RFTN2: variants seen among roughly 807,000 people sequenced by gnomAD.
The protein encoded by RFTN2 is raftlin family member 2, also known as raftlin-2.
In RFTN2, 34 loss-of-function variants were observed where a neutral mutation model predicts 52.7. The ratio of observed to expected loss-of-function variants is 0.64; its 90% CI spans 0.49 to 0.86. The LOEUF (loss-of-function observed/expected upper bound fraction) is 0.86, where lower values mean the gene tolerates loss of function less well. Ranked by LOEUF, RFTN2 falls within the 40% of genes least tolerant of loss-of-function variation. The probability of loss-of-function intolerance (pLI) is 0.00; values close to 1 mark genes in which losing one functional copy is unlikely to be tolerated. For missense variants in RFTN2, 536 were observed against 600.1 expected (o/e 0.89, Z 1.12); for synonymous variants, 203 against 217.7 (o/e 0.93, Z 0.59).
intron 3 of RFTN2, among the ~76,000 whole-genome samples, chr2:197,637,531 G>A (rs1319370179): frequency 6.6e-6 from 1 of 152,188 alleles, no homozygotes; most frequent in Non-Finnish European, 1.5e-5. Flanking sequence ...TTTGCATAGA[G>A]GTGTTTGTAG....
At chr2:197,643,320 T>C (rs80172713) in intron 3 of RFTN2, among the ~76,000 whole-genome samples, 25,906 of 152,104 alleles carry the variant, frequency 0.17, 2,459 homozygotes, top group Middle Eastern at 0.26. Context: ...TTGGAACTCC[T>C]GGCCTCAAGT....
chr2:197,598,958 CT>C (rs759636529), intron 7 of RFTN2, among the ~76,000 whole-genome samples: 452 of 144,818 alleles, frequency 3.1e-3, no homozygotes, highest in South Asian at 6.8e-3. Flanking sequence ...TCTTCTTCTT[CT>C]TTTTTTTTTT....
intron 6 of RFTN2, among the ~76,000 whole-genome samples, chr2:197,617,141 C>A (rs1310031830): frequency 6.6e-6 from 1 of 152,124 alleles, no homozygotes; most frequent in Non-Finnish European, 1.5e-5. Context: ...TTAAAAAAAA[C>A]CTCAGTCACA....
chr2:197,627,423 G>A (rs547714435), intron 5 of RFTN2, among the ~76,000 whole-genome samples: 49 of 152,294 alleles, frequency 3.2e-4, no homozygotes, highest in African/African-American at 1.1e-3. Context: ...GATGCCATAC[G>A]GCTAGCGCCT....
intron 3 of RFTN2, among the ~76,000 whole-genome samples, chr2:197,641,971 A>G (rs1201823376): frequency 2.0e-5 from 3 of 152,254 alleles, no homozygotes; most frequent in Non-Finnish European, 4.4e-5. Context: ...ACGGTAATCT[A>G]TTAAGACTAA....
chr2:197,583,453 G>A (rs1023594010), intron 8 of RFTN2, among the ~76,000 whole-genome samples: 3 of 151,948 alleles, frequency 2.0e-5, no homozygotes, highest in Non-Finnish European at 2.9e-5. Context: ...ATAATGGACC[G>A]GCCATTCTAG....
At chr2:197,671,194 C>T (rs2089142954) in intron 1 of RFTN2, among the ~76,000 whole-genome samples, 1 of 152,212 alleles carries the variant, frequency 6.6e-6, no homozygotes, top group Non-Finnish European at 1.5e-5. Flanking sequence ...TTCCCATTTC[C>T]CATCAGTTTA....
chr2:197,648,465 G>T (rs956064193), intron 1 of RFTN2, among the ~76,000 whole-genome samples: 10 of 152,202 alleles, frequency 6.6e-5, no homozygotes, highest in African/African-American at 2.2e-4. Flanking sequence ...GCTTGTTGGT[G>T]TGGCAATTCT....
intron 3 of RFTN2, among the ~76,000 whole-genome samples, chr2:197,640,398 G>C (rs1340739803): frequency 1.6e-5 from 2 of 126,208 alleles, no homozygotes; most frequent in East Asian, 2.2e-4. Flanking sequence ...CTCCGTGGGC[G>C]TAGGACCCTC....
chr2:197,630,148 G>A (rs1031670877), intron 5 of RFTN2, among the ~76,000 whole-genome samples: 1 of 152,124 alleles, frequency 6.6e-6, no homozygotes, highest in South Asian at 2.1e-4. Flanking sequence ...AGGGCCTATT[G>A]GAACATGACT....
intron 8 of RFTN2, among the ~76,000 whole-genome samples, chr2:197,590,605 C>T (rs1574686771): frequency 6.6e-6 from 1 of 152,192 alleles, no homozygotes; most frequent in Non-Finnish European, 1.5e-5. Context: ...CGGACTCTCA[C>T]GGTGAGTGTT....
At chr2:197,579,899 C>A (rs11899920) in intron 8 of RFTN2, among the ~76,000 whole-genome samples, 2 of 151,836 alleles carry the variant, frequency 1.3e-5, no homozygotes. Flanking sequence ...TTTTGTTCCA[C>A]GACTAGCTCT....
At chr2:197,661,541 G>A (rs1256013874) in intron 1 of RFTN2, among the ~76,000 whole-genome samples, 1 of 151,998 alleles carries the variant, frequency 6.6e-6, no homozygotes, top group African/African-American at 2.4e-5. Flanking sequence ...TCTTCTGTTG[G>A]TGTACACTTA....
At chr2:197,577,509 T>C (rs2087437867) in intron 8 of RFTN2, among the ~76,000 whole-genome samples, 2 of 152,182 alleles carry the variant, frequency 1.3e-5, no homozygotes, top group South Asian at 4.1e-4. Context: ...AGATTTACTC[T>C]CAGAAAAGGT....
At chr2:197,641,823 AT>A (rs1474531504) in intron 3 of RFTN2, among the ~76,000 whole-genome samples, 1 of 152,202 alleles carries the variant, frequency 6.6e-6, no homozygotes, top group Non-Finnish European at 1.5e-5. Flanking sequence ...ATGCTCAAAT[AT>A]TTCATGTGCT....
intron 7 of RFTN2, among the ~76,000 whole-genome samples, chr2:197,613,316 A>G (rs889839198): frequency 2.0e-5 from 3 of 152,224 alleles, no homozygotes; most frequent in Non-Finnish European, 4.4e-5. Context: ...TCTTAGTCAT[A>G]GTGATAATCC....
intron 1 of RFTN2, among the ~76,000 whole-genome samples, chr2:197,654,721 G>C (rs373274362): frequency 6.6e-6 from 1 of 151,954 alleles, no homozygotes; most frequent in Non-Finnish European, 1.5e-5. Context: ...ATATAGGCTG[G>C]GCATGGTGGC....
chr2:197,580,631 C>G lies in RFTN2; in HGVS notation c.1234-8351G>C, dbSNP rs530359026. Reference sequence around the variant, plus strand: ...ACCTTGGAAGCCTCCTGGACCATCACAGACGCTTTAGGTAACTCTTACAGT... The same window carrying G: ...ACCTTGGAAGCCTCCTGGACCATCAGAGACGCTTTAGGTAACTCTTACAGT... On this transcript the variant is annotated intron_variant, in intron 8 of 8. Transcript: ENST00000295049. Among the ~76,000 whole-genome samples the G allele has an allele frequency of 5.3e-5, 8 of 152,324 alleles. No homozygotes were observed. The South Asian group carries it at 1.4e-3, about 28-fold the overall frequency.
At position 197,572,204 on chromosome 2, in the gene RFTN2, G is replaced by A. The variant is rs371889338; in HGVS notation, c.1310C>T (p.Ser437Leu). 86 of 1,614,112 alleles carry A rather than the reference G, an allele frequency of 5.3e-5. No individual in the cohort carries two copies. Among genetic ancestry groups the A allele is most frequent in the Non-Finnish European group, 7.1e-5 (84 of 1,180,038 alleles). The change falls in exon 9 of 9, where the codon TCG becomes TTG. Residue 437 changes from serine (S) to leucine (L), a missense_variant. By Grantham distance (145) the Ser-to-Leu change is moderately radical. Transcript: ENST00000295049. ...TSRSIGLDTT[S>L]SQPAESRHLP... is the part of the protein sequence containing the mutation. ...GTGTCTGCTCTCTGCAGGTTGTGAC[G>A]AGGTTGTGTCTAATCCGATGCTTCT...
Sources: gnomAD v4.1 joint callset for allele counts (sites outside exome capture counted in the v4.1 genomes callset) on GRCh38, gnomAD v4.1.1 for gene constraint, MANE v1.5 for transcripts, NCBI Gene and HGNC (gene_info 2026-07-23, HGNC 2026-07-21) for gene names.